The following EFHC1 variants were observed in gnomAD, a reference collection of about 807,000 sequenced individuals.
EFHC1 encodes EF-hand domain-containing protein 1.
A neutral mutation model predicts 69.9 loss-of-function variants in EFHC1; 53 were observed. The ratio of observed to expected loss-of-function variants is 0.76; its 90% CI spans 0.61 to 0.95. The LOEUF is 0.95. Among genes scored for constraint, EFHC1 ranks in the 40% least tolerant of loss-of-function variants. The pLI, the probability that EFHC1 is intolerant of heterozygous loss-of-function variation, is 0.00. For synonymous variants in EFHC1, 256 were observed against 278.4 expected, an observed-to-expected ratio of 0.92 and a Z score of 0.80; for missense variants, 739 against 798.7, an observed-to-expected ratio of 0.93 and a Z score of 0.90.
At chr6:52,472,045 AAG>A (rs1386108464) in intron 7 of EFHC1, among the ~76,000 whole-genome samples, 3 of 151,952 alleles carry the variant, frequency 2.0e-5, no homozygotes, top group Non-Finnish European at 2.9e-5. Context: ...AACAGAATAA[AAG>A]AGAAAAATTA....
chr6:52,453,936 G>A (rs1764978931), intron 4 of EFHC1, 159 bp from the exon 5 acceptor site: 1 of 1,500,886 alleles, frequency 6.7e-7, no homozygotes, highest in South Asian at 1.2e-5. Flanking sequence ...GTTTTAGTAT[G>A]TTTGATGAAT....
chr6:52,479,032 T>G lies in EFHC1; in HGVS notation c.1279-5T>G. The G allele has an allele frequency of 6.2e-7, 1 of 1,612,980 alleles. No individual in the cohort carries two copies. Among genetic ancestry groups the G allele is most frequent in the South Asian group, 1.1e-5 (1 of 91,056 alleles). ...CATAATATCCTCTTTTCTTCACCTT[T>G]GTAGGAATCCCCCATCCCAGAAGAC... On this transcript the variant is annotated splice_region_variant and splice_polypyrimidine_tract_variant and intron_variant, in intron 7 of 10. Coordinates refer to ENST00000371068, the MANE Select transcript of EFHC1 (RefSeq NM_018100.4).
chr6:52,426,441 T>C (rs962670045), intron 2 of EFHC1, among the ~76,000 whole-genome samples: 2 of 152,206 alleles, frequency 1.3e-5, no homozygotes, highest in East Asian at 3.8e-4. Flanking sequence ...TTTTCAATTC[T>C]TAACTTACAA....
intron 5 of EFHC1, among the ~76,000 whole-genome samples, chr6:52,463,264 C>T (rs1336382986): frequency 8.6e-5 from 13 of 151,068 alleles, no homozygotes; most frequent in African/African-American, 2.2e-4. Flanking sequence ...GGTTTTGATC[C>T]GCCCACCTCG....
At chr6:52,435,140 G>A (rs1456623528) in intron 2 of EFHC1, among the ~76,000 whole-genome samples, 1 of 152,074 alleles carries the variant, frequency 6.6e-6, no homozygotes, top group Admixed American at 6.6e-5. Flanking sequence ...ATGATGATAA[G>A]TTGTCCTCTA....
Position 52,479,666 on chromosome 6 carries a change from G to A in EFHC1, c.1519G>A (p.Asp507Asn). 2.5e-6 allele frequency: 4 copies of A among 1,614,174 alleles called. No individual in the cohort carries two copies. The highest frequency in any genetic ancestry group is 2.5e-6 in the Non-Finnish European group (3 of 1,180,034). The change falls in exon 9 of 11, where the codon GAT becomes AAT. Residue 507 changes from aspartate to asparagine, a missense_variant. Physicochemically the swap from Asp to Asn is conservative, Grantham distance 23. Coordinates refer to ENST00000371068, the MANE Select transcript of EFHC1 (RefSeq NM_018100.4). ...GTTTGGTCACCGGTTCATCATCCTTGATACAGACGAGTATGTTTTGAAATA... is the reference window on the plus strand; with the variant it reads ...GTTTGGTCACCGGTTCATCATCCTTAATACAGACGAGTATGTTTTGAAATA... ...EVFGHRFIIL[D>N]TDEYVLKYME...
intron 2 of EFHC1, among the ~76,000 whole-genome samples, chr6:52,428,889 C>T (rs1188112315): frequency 6.6e-6 from 1 of 152,174 alleles, no homozygotes; most frequent in African/African-American, 2.4e-5. Context: ...GCCATTCTTG[C>T]AGGACTAAGA....
intron 7 of EFHC1, among the ~76,000 whole-genome samples, chr6:52,478,781 A>T (rs1765599731): frequency 6.6e-6 from 1 of 152,226 alleles, no homozygotes. Context: ...AAACTGAAAG[A>T]TCTAGCAACA....
chr6:52,450,412 C>A (rs1024999765), intron 3 of EFHC1, among the ~76,000 whole-genome samples: 2 of 152,200 alleles, frequency 1.3e-5, no homozygotes. Context: ...GTTTTAAAGT[C>A]TCCCACTGCT....
rs60720755 is a variant in EFHC1, at chr6:52,493,386, T to TATATATATATATATATATACATATA, written c.*1045_*1046insATATATATATATATATATACATATA. On this transcript the variant is annotated 3_prime_UTR_variant, in exon 11 of 11. Coordinates refer to ENST00000371068, the MANE Select transcript of EFHC1 (RefSeq NM_018100.4). Reference sequence around the variant, plus strand: ...TCTACATATATATATATATATATATTTTATATGTACACATTCATACACACA... The same window carrying TATATATATATATATATATACATATA: ...TCTACATATATATATATATATATATTATATATATATATATATATACATATATTATATGTACACATTCATACACACA... The TATATATATATATATATATACATATA allele has an allele frequency of 8.3e-6, 1 of 120,230 alleles. No homozygotes were observed. Among genetic ancestry groups the TATATATATATATATATATACATATA allele is most frequent in the Non-Finnish European group, 1.8e-5 (1 of 55,622 alleles). 7.4% of individuals were successfully genotyped at this position (120,230 alleles called of 1,614,324 possible). A position where few individuals can be genotyped will look rare whatever the true frequency, so the allele number is the denominator to read the frequency against.
At chr6:52,452,378 G>A (rs1764933667) in intron 3 of EFHC1, among the ~76,000 whole-genome samples, 1 of 152,150 alleles carries the variant, frequency 6.6e-6, no homozygotes, top group Non-Finnish European at 1.5e-5. Context: ...ATGGCTCACT[G>A]CAGCCTTGAC....
intron 5 of EFHC1, among the ~76,000 whole-genome samples, chr6:52,460,159 GT>G (rs1765133009): frequency 6.6e-6 from 1 of 152,070 alleles, no homozygotes; most frequent in Non-Finnish European, 1.5e-5. Context: ...CAGTTAGTGA[GT>G]AAACAATTAT....
intron 3 of EFHC1, among the ~76,000 whole-genome samples, chr6:52,448,905 G>C (rs1466213889): frequency 6.6e-6 from 1 of 152,136 alleles, no homozygotes; most frequent in African/African-American, 2.4e-5. Context: ...TGTGCTTCTG[G>C]ATTCAGTTTG....
At chr6:52,433,590 G>A (rs1027773400) in intron 2 of EFHC1, among the ~76,000 whole-genome samples, 2 of 152,208 alleles carry the variant, frequency 1.3e-5, no homozygotes, top group African/African-American at 4.8e-5. Context: ...GCAGGGGGGT[G>A]AAACGGACTC....
chr6:52,463,679 G>C (rs1765226952), intron 5 of EFHC1, among the ~76,000 whole-genome samples: 1 of 152,182 alleles, frequency 6.6e-6, no homozygotes, highest in Non-Finnish European at 1.5e-5. Flanking sequence ...ATAATTTGTT[G>C]AGCAAACAAA....
chr6:52,458,629 G>A (rs1562454797), intron 5 of EFHC1, among the ~76,000 whole-genome samples: 1 of 150,156 alleles, frequency 6.7e-6, no homozygotes, highest in African/African-American at 2.5e-5. Flanking sequence ...AATAACAGAT[G>A]TTGGCAAGCT....
intron 5 of EFHC1, among the ~76,000 whole-genome samples, chr6:52,461,796 T>C (rs1765173260): frequency 6.6e-6 from 1 of 152,184 alleles, no homozygotes; most frequent in Non-Finnish European, 1.5e-5. Flanking sequence ...CTGATGAAGC[T>C]ATATTAGTAT....
At position 52,494,440 on chromosome 6, in the gene EFHC1, C is replaced by G. The variant is rs938911452; in HGVS notation, c.*2099C>G. 1 of 454,082 alleles carries G rather than the reference C, an allele frequency of 2.2e-6. No homozygotes were observed. Among genetic ancestry groups the G allele is most frequent in the Non-Finnish European group, 4.4e-6 (1 of 226,788 alleles). 28.1% of individuals were successfully genotyped at this position (454,082 alleles called of 1,614,324 possible). A position where few individuals can be genotyped will look rare whatever the true frequency, so the allele number is the denominator to read the frequency against. On this transcript the variant is annotated 3_prime_UTR_variant, in exon 11 of 11. Transcript: ENST00000371068. ...ATTCAGCCATGCTGCTGTTTCTAGC[C>G]CATGTAGGCTCTGGGAAAGGTTAAG...
intron 1 of EFHC1, among the ~76,000 whole-genome samples, chr6:52,421,639 A>AT (rs1407495284): frequency 1.3e-5 from 2 of 152,208 alleles, no homozygotes; most frequent in Non-Finnish European, 2.9e-5. Context: ...AAGTTAAAAT[A>AT]TTTTGTCAAT....
Sources: gnomAD v4.1 joint callset for allele counts (sites outside exome capture counted in the v4.1 genomes callset) on GRCh38, gnomAD v4.1.1 for gene constraint, MANE v1.5 for transcripts, NCBI Gene and HGNC (gene_info 2026-07-23, HGNC 2026-07-21) for gene names.